The following DOCK4 variants were observed in gnomAD, a reference collection of about 807,000 sequenced individuals.
DOCK4 encodes the protein dedicator of cytokinesis 4.
Under a neutral mutation model 268.1 loss-of-function variants are expected in DOCK4, and 97 were observed. That is an observed-to-expected ratio of 0.36 (90% CI 0.31 to 0.43). DOCK4 has a LOEUF of 0.43. DOCK4 is among the 20% of genes least tolerant of loss of function. The pLI, the probability that DOCK4 is intolerant of heterozygous loss-of-function variation, is 1.00. For synonymous variants in DOCK4, 954 were observed against 887.2 expected (o/e 1.08, Z -1.34); for missense variants, 2,145 against 2,455.7 (o/e 0.87, Z 2.67).
chr7:111,755,543 C>A lies in DOCK4; in HGVS notation c.4388G>T (p.Arg1463Leu). 1 of 1,613,926 alleles carries A rather than the reference C, an allele frequency of 6.2e-7. No individual in the cohort carries two copies. Among genetic ancestry groups the A allele is most frequent in the Non-Finnish European group, 8.5e-7 (1 of 1,179,872 alleles). The change falls in exon 42 of 53, where the codon CGC (arginine) becomes CTC (leucine). Residue 1463 changes from arginine (R) to leucine (L), a missense_variant. Physicochemically the swap from Arg to Leu is moderately radical, Grantham distance 102. Around this residue, in one of 2 missense-constraint regions of DOCK4, gnomAD observed 1,598 missense variants for 1,986.7 expected, o/e 0.80. Coordinates refer to ENST00000428084, the MANE Select transcript of DOCK4 (RefSeq NM_001363540.2). The stretch of plus-strand genomic sequence containing the variant: ...TTCACGCTTTTCCACTTCAAACCAG[C>A]GAGAGATGCCAGGCAAACTCTGCAC... Reference protein sequence around the residue: ...YLVQSLPGISRWFEVEKREVV... With the variant: ...YLVQSLPGISLWFEVEKREVV...
chr7:111,994,660 C>T (rs1799786518), intron 4 of DOCK4, among the ~76,000 whole-genome samples: 1 of 152,148 alleles, frequency 6.6e-6, no homozygotes, highest in African/African-American at 2.4e-5. Flanking sequence ...ATCACCAGGA[C>T]ATGATGGCTG....
intron 8 of DOCK4, among the ~76,000 whole-genome samples, chr7:111,951,516 AC>A (rs1796043968): frequency 6.6e-6 from 1 of 152,034 alleles, no homozygotes. Flanking sequence ...ACCTCAGAGC[AC>A]CAAAGAAGGC....
chr7:112,090,437 A>G (rs1224886266), intron 1 of DOCK4, among the ~76,000 whole-genome samples: 1 of 152,146 alleles, frequency 6.6e-6, no homozygotes, highest in African/African-American at 2.4e-5. Flanking sequence ...AAGTCAATTC[A>G]CCTCTAACAT....
At chr7:111,932,467 A>G (rs1243111839) in intron 12 of DOCK4, among the ~76,000 whole-genome samples, 1 of 152,158 alleles carries the variant, frequency 6.6e-6, no homozygotes, top group Non-Finnish European at 1.5e-5. Context: ...GCAGAAAGAA[A>G]GGAGCAGGGC....
At chr7:111,908,443 G>GT (rs1791793698) in intron 13 of DOCK4, among the ~76,000 whole-genome samples, 1 of 126,064 alleles carries the variant, frequency 7.9e-6, no homozygotes, top group African/African-American at 3.9e-5. Context: ...GTGAGACTCC[G>GT]TCTCAAAAAA....
intron 1 of DOCK4, among the ~76,000 whole-genome samples, chr7:112,119,982 G>C (rs890533567): frequency 1.3e-5 from 2 of 151,960 alleles, no homozygotes; most frequent in African/African-American, 2.4e-5. Flanking sequence ...CAAGTAGCTG[G>C]GACTACAGGT....
intron 12 of DOCK4, among the ~76,000 whole-genome samples, chr7:111,917,503 G>C (rs1165658435): frequency 6.6e-6 from 1 of 151,814 alleles, no homozygotes; most frequent in Admixed American, 6.6e-5. Context: ...CATGAGGTCA[G>C]GAGATCAAGA....
Position 111,910,038 on chromosome 7 carries a change from G to GA in DOCK4, c.1192+5740dup, listed in dbSNP as rs1415506415. ...AAGACCTACTAAAAGTGAATGCACT[G>GA]AAATGTATAAATGATGGGTTCCCTA... On this transcript the variant is annotated intron_variant, in intron 13 of 52. Transcript: ENST00000428084. Among the ~76,000 whole-genome samples the GA allele has an allele frequency of 4.6e-5, 7 of 151,436 alleles. No individual in the cohort carries two copies. The East Asian group carries it at 1.3e-3, about 29-fold the overall frequency.
chr7:112,042,932 C>T (rs1004556781), intron 1 of DOCK4, among the ~76,000 whole-genome samples: 7 of 152,166 alleles, frequency 4.6e-5, no homozygotes, highest in African/African-American at 1.7e-4. Flanking sequence ...CTCAGCCTCT[C>T]GTGCTTGTTT....
intron 13 of DOCK4, among the ~76,000 whole-genome samples, chr7:111,909,101 C>A (rs896742486): frequency 6.6e-6 from 1 of 152,326 alleles, no homozygotes; most frequent in Non-Finnish European, 1.5e-5. Flanking sequence ...CTGACTTCCA[C>A]AATGGTTGAA....
At chr7:112,042,449 T>C (rs1804466393) in intron 1 of DOCK4, among the ~76,000 whole-genome samples, 1 of 152,026 alleles carries the variant, frequency 6.6e-6, no homozygotes, top group African/African-American at 2.4e-5. Context: ...TGAACAAAAT[T>C]CACATCCAAG....
At chr7:112,096,891 G>A (rs1810194038) in intron 1 of DOCK4, among the ~76,000 whole-genome samples, 1 of 152,206 alleles carries the variant, frequency 6.6e-6, no homozygotes, top group Non-Finnish European at 1.5e-5. Context: ...CAGAAAGGTA[G>A]CAGAGAAGTA....
At chr7:111,775,201 C>A (rs1442990034) in intron 36 of DOCK4, among the ~76,000 whole-genome samples, 1 of 152,204 alleles carries the variant, frequency 6.6e-6, no homozygotes, top group African/African-American at 2.4e-5. Context: ...AGTGATGCTA[C>A]TAATTGAGAC....
chr7:111,840,062 C>T (rs1176767183), intron 25 of DOCK4, among the ~76,000 whole-genome samples: 3 of 152,166 alleles, frequency 2.0e-5, no homozygotes, highest in Non-Finnish European at 4.4e-5. Flanking sequence ...GTGAAACTTT[C>T]TTTTGTATAA....
chr7:111,829,089 C>T (rs1044217634), intron 26 of DOCK4, among the ~76,000 whole-genome samples: 10 of 151,850 alleles, frequency 6.6e-5, no homozygotes, highest in African/African-American at 2.4e-4. Flanking sequence ...TATAATTTCC[C>T]ATTAAATATC....
At chr7:112,128,529 A>G (rs1179111518) in intron 1 of DOCK4, among the ~76,000 whole-genome samples, 2 of 152,254 alleles carry the variant, frequency 1.3e-5, no homozygotes, top group Non-Finnish European at 2.9e-5. Flanking sequence ...GTGTCTGTGT[A>G]GAAAGAAGTA....
intron 13 of DOCK4, among the ~76,000 whole-genome samples, chr7:111,910,964 G>A (rs1054725823): frequency 2.0e-5 from 3 of 152,164 alleles, no homozygotes; most frequent in Admixed American, 1.3e-4. Context: ...GAATTTCTGC[G>A]CCTACGTTTT....
intron 1 of DOCK4, among the ~76,000 whole-genome samples, chr7:112,018,431 A>C (rs1009235519): frequency 6.6e-6 from 1 of 152,196 alleles, no homozygotes; most frequent in Non-Finnish European, 1.5e-5. Context: ...AGCACTTATC[A>C]ATTATAAATG....
Position 111,988,875 on chromosome 7 carries a change from C to T in DOCK4, c.464+140G>A, listed in dbSNP as rs527725077. The T allele has an allele frequency of 3.5e-4, 424 of 1,225,780 alleles. 4 individuals are homozygous for T. The South Asian group carries it at 6.0e-3, about 17-fold the overall frequency. The allele number at this position is 1,225,780 out of a possible 1,614,324, so 75.9% of individuals were successfully genotyped here. A position where few individuals can be genotyped will look rare whatever the true frequency, so the allele number is the denominator to read the frequency against. On this transcript the variant is annotated intron_variant, in intron 6 of 52. Transcript: ENST00000428084. ...GTTCTCGGCTCTATCAATGCCAGTT[C>T]GCACTAAGCCTCCAAAAACAGGAAA...
Sources: allele counts gnomAD v4.1 joint callset (sites outside exome capture counted in the v4.1 genomes callset), GRCh38; gene constraint gnomAD v4.1.1; regional missense constraint gnomAD v4.1.1; transcripts MANE v1.5; gene names NCBI Gene and HGNC (gene_info 2026-07-23, HGNC 2026-07-21).